GAS2: variants seen among roughly 807,000 people sequenced by gnomAD.
GAS2 encodes the protein growth arrest-specific protein 2.
GAS2 carries 20 observed loss-of-function variants against 37.5 expected under a neutral mutation model. The ratio of observed to expected loss-of-function variants is 0.53; its 90% CI spans 0.37 to 0.77. The LOEUF (loss-of-function observed/expected upper bound fraction) is 0.77. GAS2 is among the 30% of genes least tolerant of loss of function. The probability of loss-of-function intolerance (pLI) is 0.00; values close to 1 mark genes in which losing one functional copy is unlikely to be tolerated. For synonymous variants in GAS2, 144 were observed against 132.2 expected, an observed-to-expected ratio of 1.09 and a Z score of -0.61; for missense variants, 336 against 373.4, an observed-to-expected ratio of 0.90 and a Z score of 0.82.
intron 5 of GAS2, among the ~76,000 whole-genome samples, chr11:22,746,011 C>CA (rs1255175817): frequency 6.6e-6 from 1 of 151,952 alleles, no homozygotes; most frequent in East Asian, 1.9e-4. Context: ...TCCACCTTTA[C>CA]AAAAAAATAC....
intron 3 of GAS2, among the ~76,000 whole-genome samples, chr11:22,723,602 G>A (rs1025550245): frequency 1.3e-5 from 2 of 151,880 alleles, no homozygotes; most frequent in African/African-American, 4.8e-5. Flanking sequence ...TGTACCTCAT[G>A]TCATTTAGCA....
At chr11:22,789,313 CACACACACACACACACACAA>C (rs1397787061) in intron 7 of GAS2, among the ~76,000 whole-genome samples, 2 of 105,006 alleles carry the variant, frequency 1.9e-5, no homozygotes, top group African/African-American at 6.9e-5. Context: ...TACACACACA[CACACACACACACACACACAA>C]ACACACACAC....
chr11:22,725,157 A>T (rs944044629), intron 3 of GAS2, among the ~76,000 whole-genome samples: 1 of 152,038 alleles, frequency 6.6e-6, no homozygotes, highest in African/African-American at 2.4e-5. Flanking sequence ...TCATGGAAAT[A>T]ATTTATTTCT....
intron 3 of GAS2, among the ~76,000 whole-genome samples, chr11:22,707,192 G>A (rs1442326588): frequency 6.6e-6 from 1 of 152,156 alleles, no homozygotes; most frequent in Non-Finnish European, 1.5e-5. Flanking sequence ...CAGATGGATA[G>A]TAGTGCTTTG....
At chr11:22,774,417 C>T (rs1001095364) in intron 7 of GAS2, among the ~76,000 whole-genome samples, 1 of 152,206 alleles carries the variant, frequency 6.6e-6, no homozygotes, top group Non-Finnish European at 1.5e-5. Context: ...GACTTATCTT[C>T]AAACATGATC....
intron 7 of GAS2, among the ~76,000 whole-genome samples, chr11:22,786,285 T>C (rs1023867044): frequency 6.6e-6 from 1 of 152,182 alleles, no homozygotes; most frequent in African/African-American, 2.4e-5. Flanking sequence ...TCAATCTTTA[T>C]TATTTTTGAA....
chr11:22,745,211 A>G (rs534572567), intron 5 of GAS2, among the ~76,000 whole-genome samples: 22 of 152,118 alleles, frequency 1.4e-4, no homozygotes, highest in Non-Finnish European at 2.8e-4. Flanking sequence ...CCTGACTTCA[A>G]GCTATACCCT....
At chr11:22,641,503 A>G (rs900280057) in intron 1 of GAS2, among the ~76,000 whole-genome samples, 3 of 145,284 alleles carry the variant, frequency 2.1e-5, no homozygotes, top group Admixed American at 7.0e-5. Flanking sequence ...CCCCCCACAC[A>G]CCCCACGACA....
chr11:22,692,838 ATGTTT>A (rs1212744369), intron 3 of GAS2, among the ~76,000 whole-genome samples: 1 of 152,136 alleles, frequency 6.6e-6, no homozygotes, highest in African/African-American at 2.4e-5. Flanking sequence ...TAAACATTTA[ATGTTT>A]CATGATTACT....
chr11:22,656,737 TCA>T (rs1392764935), intron 1 of GAS2, among the ~76,000 whole-genome samples: 3 of 152,150 alleles, frequency 2.0e-5, no homozygotes, highest in Non-Finnish European at 4.4e-5. Context: ...ACAGTGCACA[TCA>T]CACAGAGATA....
intron 7 of GAS2, among the ~76,000 whole-genome samples, chr11:22,796,513 G>A (rs763480982): frequency 2.0e-5 from 3 of 151,806 alleles, no homozygotes; most frequent in Non-Finnish European, 2.9e-5. Context: ...ATTTGAGTAG[G>A]GTTTTAAAAG....
Position 22,812,063 on chromosome 11 carries a change from C to T in GAS2, c.*47C>T. On this transcript the variant is annotated 3_prime_UTR_variant, in exon 8 of 8. Coordinates refer to ENST00000454584, the MANE Select transcript of GAS2 (RefSeq NM_001143830.3). Reference sequence around the variant, plus strand: ...GGACCCTCATAATGGCCTGTATCCACTTCTCCAGTATAGTCAGTTTAGTTC... The same window carrying T: ...GGACCCTCATAATGGCCTGTATCCATTTCTCCAGTATAGTCAGTTTAGTTC... 7.4e-7 allele frequency: 1 copy of T among 1,350,232 alleles called. No homozygotes were observed. Among genetic ancestry groups the T allele is most frequent in the Non-Finnish European group, 1.1e-6 (1 of 941,278 alleles). The allele number at this position is 1,350,232 out of a possible 1,614,324, so 83.6% of individuals were successfully genotyped here. A position where few individuals can be genotyped will look rare whatever the true frequency, so the allele number is the denominator to read the frequency against.
chr11:22,748,095 A>G (rs1346407192), intron 5 of GAS2, among the ~76,000 whole-genome samples: 1 of 152,148 alleles, frequency 6.6e-6, no homozygotes, highest in Non-Finnish European at 1.5e-5. Flanking sequence ...TTTTTTAAAA[A>G]TAGATAAAAA....
chr11:22,695,721 G>A (rs557689859), intron 3 of GAS2, among the ~76,000 whole-genome samples: 5 of 152,260 alleles, frequency 3.3e-5, no homozygotes, highest in African/African-American at 9.6e-5. Context: ...ATGAAAGAAA[G>A]TTGGTAGATT....
chr11:22,790,501 A>G (rs1482937339), intron 7 of GAS2, among the ~76,000 whole-genome samples: 2 of 150,838 alleles, frequency 1.3e-5, no homozygotes, highest in Non-Finnish European at 2.9e-5. Context: ...TTTGATGCTC[A>G]TATCATTTCC....
intron 3 of GAS2, among the ~76,000 whole-genome samples, chr11:22,686,417 A>C (rs1156575187): frequency 1.3e-5 from 2 of 151,858 alleles, no homozygotes; most frequent in Non-Finnish European, 2.9e-5. Flanking sequence ...AGATATAAAA[A>C]ATATTAAAAT....
chr11:22,715,747 G>A (rs594806), intron 3 of GAS2, among the ~76,000 whole-genome samples: 136,067 of 152,028 alleles, frequency 0.9, 62,642 homozygotes, highest in East Asian at 1. Flanking sequence ...AGGAAGATTT[G>A]TAGCTGAATT....
chr11:22,727,990 T>G (rs1396917837), intron 4 of GAS2, among the ~76,000 whole-genome samples: 1 of 152,024 alleles, frequency 6.6e-6, no homozygotes, highest in East Asian at 1.9e-4. Flanking sequence ...GAGTACACTC[T>G]GCATGTGTGG....
At chr11:22,703,302 G>A (rs958897259) in intron 3 of GAS2, among the ~76,000 whole-genome samples, 1 of 152,122 alleles carries the variant, frequency 6.6e-6, no homozygotes, top group Admixed American at 6.6e-5. Flanking sequence ...TCTAACTGGG[G>A]AACTGTTTTC....
Sources: gnomAD v4.1 joint callset for allele counts (sites outside exome capture counted in the v4.1 genomes callset) on GRCh38, gnomAD v4.1.1 for gene constraint, MANE v1.5 for transcripts, NCBI Gene and HGNC (gene_info 2026-07-23, HGNC 2026-07-21) for gene names.